LPA: variants seen among roughly 807,000 people sequenced by gnomAD.
The protein encoded by LPA is apolipoprotein(a).
A neutral mutation model predicts 197.9 loss-of-function variants in LPA; 199 were observed. The ratio of observed to expected loss-of-function variants is 1.01; its 90% CI spans 0.90 to 1.13. The LOEUF (loss-of-function observed/expected upper bound fraction) is 1.13. Among genes scored for constraint, LPA ranks in the 50% most tolerant of loss-of-function variants. The pLI is 0.00. For missense variants in LPA, 1,853 were observed against 1,785.8 expected (o/e 1.04, Z -0.68); for synonymous variants, 715 against 639.5 (o/e 1.12, Z -1.78).
chr6:160,549,143 A>G (rs1778128683), intron 30 of LPA, among the ~76,000 whole-genome samples: 1 of 152,178 alleles, frequency 6.6e-6, no homozygotes, highest in Non-Finnish European at 1.5e-5. Context: ...TGTCATGAGA[A>G]CAGCCTGGGA....
intron 1 of LPA, among the ~76,000 whole-genome samples, chr6:160,655,552 A>G (rs1449509802): frequency 6.6e-6 from 1 of 152,146 alleles, no homozygotes. Flanking sequence ...CCAAAATCCA[A>G]ATAGGCCCAC....
chr6:160,658,225 G>A (rs1295588238), intron 1 of LPA, among the ~76,000 whole-genome samples: 2 of 152,176 alleles, frequency 1.3e-5, no homozygotes, highest in East Asian at 1.9e-4. Context: ...GCTTCATCAG[G>A]GTTCTCCCAC....
At chr6:160,579,206 C>G (rs1210505881) in intron 26 of LPA, among the ~76,000 whole-genome samples, 1 of 151,974 alleles carries the variant, frequency 6.6e-6, no homozygotes, top group Non-Finnish European at 1.5e-5. Flanking sequence ...CCCATGCCAG[C>G]CCCCTTACTC....
intron 38 of LPA, among the ~76,000 whole-genome samples, chr6:160,532,244 C>A (rs1478226873): frequency 6.6e-6 from 1 of 152,178 alleles, no homozygotes; most frequent in African/African-American, 2.4e-5. Flanking sequence ...GGAAAAGCCA[C>A]CACTTCAGTC....
intron 26 of LPA, among the ~76,000 whole-genome samples, chr6:160,582,715 A>C (rs1778824468): frequency 6.6e-6 from 1 of 152,056 alleles, no homozygotes; most frequent in African/African-American, 2.4e-5. Context: ...GAGCTTCTTG[A>C]CTATGTGAGT....
chr6:160,532,676 G>T (rs777489526), intron 37 of LPA, 27 bp from the exon 38 acceptor site: 27 of 1,438,616 alleles, frequency 1.9e-5, no homozygotes. Flanking sequence ...GAAAGAAATG[G>T]TTACTGAGGC....
chr6:160,539,932 T>C (rs1583565731), intron 36 of LPA, 111 bp downstream of exon 36: 1 of 1,463,860 alleles, frequency 6.8e-7, no homozygotes, highest in South Asian at 1.1e-5. Flanking sequence ...GAGCCTTTCA[T>C]GTGATAGACA....
At chr6:160,565,610 G>T (rs568018468) in intron 28 of LPA, among the ~76,000 whole-genome samples, 15 of 152,270 alleles carry the variant, frequency 9.9e-5, no homozygotes, top group African/African-American at 3.6e-4. Context: ...AAAAATCAGG[G>T]TGCCTCTTCT....
intron 22 of LPA, among the ~76,000 whole-genome samples, chr6:160,591,771 C>T: frequency 6.6e-6 from 1 of 152,142 alleles, no homozygotes; most frequent in East Asian, 1.9e-4. Context: ...CTTTCTGTTT[C>T]ATGGATTTAC....
chr6:160,605,348 T>A lies in LPA; in HGVS notation c.2786-143A>T. 4.7e-6 allele frequency: 5 copies of A among 1,067,236 alleles called. No homozygotes were observed. In the South Asian group the frequency reaches 6.6e-5, roughly 14 times the overall value. 66.1% of individuals were successfully genotyped at this position (1,067,236 alleles called of 1,614,324 possible). On this transcript the variant is annotated intron_variant, in intron 17 of 38. Coordinates refer to ENST00000316300, the MANE Select transcript of LPA (RefSeq NM_005577.4). The stretch of plus-strand genomic sequence containing the variant: ...GACAAGTAACATTCTTGTTTCTTTA[T>A]TTGTAGGCAGATGGACTTGAGAAAA...
At chr6:160,588,416 G>A (rs1778957930) in intron 24 of LPA, among the ~76,000 whole-genome samples, 1 of 152,092 alleles carries the variant, frequency 6.6e-6, no homozygotes, top group African/African-American at 2.4e-5. Context: ...GGTCTCTACT[G>A]AATGCCCAAA....
chr6:160,595,244 C>T, intron 21 of LPA, 110 bp downstream of exon 21: 1 of 1,383,912 alleles, frequency 7.2e-7, no homozygotes, highest in Non-Finnish European at 1.0e-6. Flanking sequence ...CCTGAGTCCA[C>T]ATTCTACTTG....
At chr6:160,662,688 A>G (rs1285616598) in intron 1 of LPA, among the ~76,000 whole-genome samples, 2 of 152,210 alleles carry the variant, frequency 1.3e-5, no homozygotes, top group Admixed American at 1.3e-4. Flanking sequence ...AATTTCCCCA[A>G]AAAACTCTTT....
intron 1 of LPA, among the ~76,000 whole-genome samples, chr6:160,659,139 T>G (rs1280582703): frequency 6.6e-6 from 1 of 152,160 alleles, no homozygotes; most frequent in Admixed American, 6.5e-5. Flanking sequence ...GAGAAAGATG[T>G]AGGCTGGGAG....
At chr6:160,603,187 G>A (rs1010253203) in intron 18 of LPA, among the ~76,000 whole-genome samples, 4 of 151,140 alleles carry the variant, frequency 2.6e-5, no homozygotes, top group Admixed American at 2.0e-4. Flanking sequence ...ATATTTTCCC[G>A]CCTGTCTGTG....
intron 24 of LPA, among the ~76,000 whole-genome samples, chr6:160,588,879 T>C (rs1413679751): frequency 6.6e-6 from 1 of 152,198 alleles, no homozygotes; most frequent in African/African-American, 2.4e-5. Context: ...ATATCTGTTG[T>C]CCAACCTGTG....
chr6:160,563,073 C>G (rs1442065373), intron 28 of LPA, among the ~76,000 whole-genome samples: 1 of 152,092 alleles, frequency 6.6e-6, no homozygotes, highest in Non-Finnish European at 1.5e-5. Context: ...CCCTTCAGTT[C>G]TGCTCTGATC....
At chr6:160,555,900 G>T in intron 30 of LPA, 125 bp downstream of exon 30, 1 of 1,034,392 alleles carries the variant, frequency 9.7e-7, no homozygotes, top group South Asian at 1.3e-5. Context: ...AAGTTGTCTG[G>T]ACATTTTGAC....
chr6:160,590,667 A>G (rs1779007592), intron 23 of LPA, among the ~76,000 whole-genome samples: 1 of 152,178 alleles, frequency 6.6e-6, no homozygotes, highest in South Asian at 2.1e-4. Context: ...CATTTTCACT[A>G]GGACACTGAA....
Sources: gnomAD v4.1 joint callset for allele counts (sites outside exome capture counted in the v4.1 genomes callset) on GRCh38, gnomAD v4.1.1 for gene constraint, MANE v1.5 for transcripts, NCBI Gene and HGNC (gene_info 2026-07-23, HGNC 2026-07-21) for gene names.